The following KIF2C variants were observed in gnomAD, a reference collection of about 807,000 sequenced individuals.
KIF2C encodes kinesin-like protein KIF2C.
A neutral mutation model predicts 97.4 loss-of-function variants in KIF2C; 34 were observed. The ratio of observed to expected loss-of-function variants is 0.35; its 90% CI spans 0.27 to 0.46. The LOEUF is 0.46. KIF2C is among the 20% of genes least tolerant of loss of function. The pLI is 1.00. For missense variants in KIF2C, 750 were observed against 907.6 expected, an observed-to-expected ratio of 0.83 and a Z score of 2.23; for synonymous variants, 313 against 318.2, an observed-to-expected ratio of 0.98 and a Z score of 0.17.
intron 7 of KIF2C, 68 bp downstream of exon 7, chr1:44,753,901 A>G (rs1258931266): frequency 6.4e-6 from 5 of 783,654 alleles, no homozygotes; most frequent in African/African-American, 3.7e-5. Context: ...TCTACGGGCA[A>G]CAGAGATACA....
Position 44,747,321 on chromosome 1 carries a change from AAG to A in KIF2C, c.166-61_166-60del. 1.3e-5 allele frequency: 18 copies of A among 1,401,772 alleles called. No individual in the cohort carries two copies. The African/African-American group carries it at 1.6e-4, about 12-fold the overall frequency. 86.8% of individuals were successfully genotyped at this position (1,401,772 alleles called of 1,614,324 possible). A position where few individuals can be genotyped will look rare whatever the true frequency, so the allele number is the denominator to read the frequency against. The stretch of plus-strand genomic sequence containing the variant: ...ATACTCTGTCTCAAAAAAAAAAAAA[AAG>A]AAAAAATGTATTTGGATTGAACAAT... On this transcript the variant is annotated intron_variant, in intron 2 of 20. Coordinates refer to ENST00000372224, the MANE Select transcript of KIF2C (RefSeq NM_006845.4).
At chr1:44,746,249 A>G (rs1043161452) in intron 2 of KIF2C, 5 of 533,800 alleles carry the variant, frequency 9.4e-6, no homozygotes, top group Non-Finnish European at 1.2e-5. Flanking sequence ...ACATTTTGAA[A>G]TACAAAGTTG....
At position 44,750,459 on chromosome 1, in the gene KIF2C, A is replaced by G; in HGVS notation, c.334A>G (p.Thr112Ala). ...TTCTCCAGGTCTTCGAAGCCGCTCCACTCGCATGTCCACTGTCTCAGAGCT... is the reference window on the plus strand; with the variant it reads ...TTCTCCAGGTCTTCGAAGCCGCTCCGCTCGCATGTCCACTGTCTCAGAGCT... ...APKESLRSRS[T>A]RMSTVSELRI... Residue 112 changes from threonine (T) to alanine (A), a missense_variant, in exon 5 of 21, where the codon ACT (threonine) becomes GCT (alanine). Transcript: ENST00000372224. The G allele has an allele frequency of 6.6e-7, 1 of 1,520,572 alleles. No individual in the cohort carries two copies. The highest frequency in any genetic ancestry group is 8.9e-7 in the Non-Finnish European group (1 of 1,126,436). 94.2% of individuals were successfully genotyped at this position (1,520,572 alleles called of 1,614,324 possible). A position where few individuals can be genotyped will look rare whatever the true frequency, so the allele number is the denominator to read the frequency against.
chr1:44,766,756 C>T (rs995279214), intron 19 of KIF2C, 70 bp from the exon 20 acceptor site: 17 of 1,556,584 alleles, frequency 1.1e-5, no homozygotes, highest in Non-Finnish European at 6.1e-6. Context: ...GTCTGCATTG[C>T]AGTTGGTAGG....
chr1:44,760,947 T>C lies in KIF2C; in HGVS notation c.1683+245T>C, dbSNP rs1650108096. ...GGTGCAGCTCTTGGTTTGGGAGAGG[T>C]CATTCCTGCATTACCTGATGAAAAG... On this transcript the variant is annotated intron_variant, in intron 16 of 20. Coordinates refer to ENST00000372224, the MANE Select transcript of KIF2C (RefSeq NM_006845.4). The surrounding 1 kb of genome is among the most constrained non-coding windows in gnomAD (Gnocchi z 4.2). 1 of 478,268 alleles carries C rather than the reference T, an allele frequency of 2.1e-6. No homozygotes were observed. The allele number at this position is 478,268 out of a possible 1,614,324, so 29.6% of individuals were successfully genotyped here.
chr1:44,746,612 C>A, intron 2 of KIF2C: 1 of 1,462,598 alleles, frequency 6.8e-7, no homozygotes, highest in Non-Finnish European at 9.0e-7. Context: ...ACCTCACTGC[C>A]CAGCAGATCA....
Position 44,767,312 on chromosome 1 carries a change from G to A in KIF2C, c.*133G>A. On this transcript the variant is annotated 3_prime_UTR_variant, in exon 21 of 21. Transcript: ENST00000372224. ...GTTCTGGTAAATGCCAAGTATGGGG[G>A]CATCTGGGCCCAGGGCAGCTGGGGA... 1 of 703,050 alleles carries A rather than the reference G, an allele frequency of 1.4e-6. No individual in the cohort carries two copies. The highest frequency in any genetic ancestry group is 2.4e-6 in the Non-Finnish European group (1 of 408,710). The allele number at this position is 703,050 out of a possible 1,614,324, so 43.6% of individuals were successfully genotyped here. A position where few individuals can be genotyped will look rare whatever the true frequency, so the allele number is the denominator to read the frequency against.
chr1:44,748,001 G>A (rs944618304), intron 4 of KIF2C, among the ~76,000 whole-genome samples: 17 of 152,160 alleles, frequency 1.1e-4, no homozygotes, highest in Non-Finnish European at 1.3e-4. Context: ...TTCTTCCCTC[G>A]GGGCTCAGCC....
intron 5 of KIF2C, 90 bp from the exon 6 acceptor site, chr1:44,753,042 C>T (rs531726353): frequency 7.3e-6 from 11 of 1,498,638 alleles, no homozygotes; most frequent in Non-Finnish European, 9.0e-6. Flanking sequence ...AGGCAGGTCG[C>T]TCTCCCGGCC....
chr1:44,751,282 G>A (rs929295419), intron 5 of KIF2C, among the ~76,000 whole-genome samples: 6 of 151,888 alleles, frequency 4.0e-5, no homozygotes, highest in African/African-American at 1.2e-4. Context: ...TGCAACTTCC[G>A]CCTCCTAGGT....
chr1:44,767,651 A>G lies in KIF2C; in HGVS notation c.*472A>G, dbSNP rs146660314. The G allele has an allele frequency of 1.6e-3, 253 of 162,540 alleles. 1 individual carries two copies. Among genetic ancestry groups the G allele is most frequent in the African/African-American group, 5.6e-3 (232 of 41,680 alleles). The allele number at this position is 162,540 out of a possible 1,614,324, so 10.1% of individuals were successfully genotyped here. A position where few individuals can be genotyped will look rare whatever the true frequency, so the allele number is the denominator to read the frequency against. On this transcript the variant is annotated 3_prime_UTR_variant, in exon 21 of 21. Coordinates refer to ENST00000372224, the MANE Select transcript of KIF2C (RefSeq NM_006845.4). ...AAAAATGTTTCTGAGACCTCTTTCT[A>G]CTTTACTGTCTCCCTAGAGATCCTA... is the stretch of plus-strand genomic sequence containing the variant.
At chr1:44,764,126 A>G (rs1650314836) in intron 19 of KIF2C, among the ~76,000 whole-genome samples, 1 of 152,112 alleles carries the variant, frequency 6.6e-6, no homozygotes, top group Non-Finnish European at 1.5e-5. Flanking sequence ...CCATTTAGAT[A>G]TACAAGCATG....
chr1:44,749,596 TA>T (rs1409551076), intron 4 of KIF2C, among the ~76,000 whole-genome samples: 1 of 151,488 alleles, frequency 6.6e-6, no homozygotes, highest in Non-Finnish European at 1.5e-5. Context: ...ATTATAAAAA[TA>T]AAAAATAAAA....
rs951045232 is a variant in KIF2C at position 44,765,064 on chromosome 1, G to A, written c.1972-1762G>A. Among the ~76,000 whole-genome samples the A allele has an allele frequency of 5.9e-5, 9 of 152,218 alleles. No individual in the cohort carries two copies. In the South Asian group the frequency reaches 1.9e-3, roughly 32 times the overall value. On this transcript the variant is annotated intron_variant, in intron 19 of 20. Transcript: ENST00000372224. ...GAGCCCAGGAGGCGAAGGTTATAGT[G>A]AGCCGAGATGGTGCCACTGCACTCC...
At position 44,760,512 on chromosome 1, in the gene KIF2C, C is replaced by A. The variant is rs549592132; in HGVS notation, c.1572+28C>A. The A allele has an allele frequency of 6.2e-7, 1 of 1,612,462 alleles. No individual in the cohort carries two copies. Among genetic ancestry groups the A allele is most frequent in the Non-Finnish European group, 8.5e-7 (1 of 1,179,172 alleles). On this transcript the variant is annotated intron_variant, in intron 15 of 20. Transcript: ENST00000372224. The surrounding 1 kb of genome is among the most constrained non-coding windows in gnomAD (Gnocchi z 4.2). Reference sequence around the variant, plus strand: ...AGTGGGGCAGCTAGAGCTGGTTGGCCGGGAGAGCTACTGGGAAGGGATGGG... The same window carrying A: ...AGTGGGGCAGCTAGAGCTGGTTGGCAGGGAGAGCTACTGGGAAGGGATGGG...
chr1:44,754,671 C>T (rs191435823), intron 7 of KIF2C, 79 bp from the exon 8 acceptor site: 1 of 844,756 alleles, frequency 1.2e-6, no homozygotes, highest in Admixed American at 1.7e-5. Context: ...GAGCAAAGAG[C>T]TGTTGCTGCT....
intron 13 of KIF2C, 67 bp from the exon 14 acceptor site, chr1:44,759,139 G>T: frequency 6.2e-7 from 1 of 1,601,192 alleles, no homozygotes; most frequent in South Asian, 1.1e-5. Flanking sequence ...AGGCTAGTAG[G>T]AGGAAGCAGT....
intron 2 of KIF2C, 55 bp downstream of exon 2, chr1:44,741,062 C>T: frequency 1.4e-6 from 2 of 1,381,188 alleles, no homozygotes; most frequent in Non-Finnish European, 2.1e-6. Context: ...CATAAAGGAT[C>T]TGTGCAGAAG....
intron 4 of KIF2C, among the ~76,000 whole-genome samples, chr1:44,748,107 G>C (rs1199745218): frequency 6.6e-6 from 1 of 152,226 alleles, no homozygotes; most frequent in Admixed American, 6.5e-5. Flanking sequence ...GCGCTATAGA[G>C]AGGGATGGCT....
Sources: gnomAD v4.1 joint callset for allele counts (sites outside exome capture counted in the v4.1 genomes callset) on GRCh38, gnomAD v4.1.1 for gene constraint, Gnocchi (gnomAD v3.1) non-coding constraint, MANE v1.5 for transcripts, NCBI Gene and HGNC (gene_info 2026-07-23, HGNC 2026-07-21) for gene names.